The following ATAD3B variants were observed in gnomAD, a reference collection of about 807,000 sequenced individuals.
The protein encoded by ATAD3B is ATPase family AAA domain-containing protein 3B.
In ATAD3B, 59 loss-of-function variants were observed where a neutral mutation model predicts 70.2. The ratio of observed to expected loss-of-function variants is 0.84; its 90% CI spans 0.68 to 1.04. ATAD3B has a LOEUF of 1.04. Ranked by LOEUF, ATAD3B falls within the 50% of genes least tolerant of loss-of-function variation. The probability of loss-of-function intolerance (pLI) is 0.00; values close to 1 mark genes in which losing one functional copy is unlikely to be tolerated. For synonymous variants in ATAD3B, 423 were observed against 388.6 expected, an observed-to-expected ratio of 1.09 and a Z score of -1.04; for missense variants, 961 against 913.4, an observed-to-expected ratio of 1.05 and a Z score of -0.67.
In ATAD3B at chr1:1,482,120, C is replaced by G. The variant is rs201380959; in HGVS notation, c.515-18C>G. 1.9e-6 allele frequency: 3 copies of G among 1,598,534 alleles called. No homozygotes were observed. The highest frequency in any genetic ancestry group is 1.1e-5 in the South Asian group (1 of 89,038). ...GCTGCACTGCATGGTGCTGAGCTGC[C>G]CTGCCTCTCTGGGGCAGCCACCGTG... is the stretch of plus-strand genomic sequence containing the variant. On this transcript the variant is annotated intron_variant, in intron 5 of 15. Coordinates refer to ENST00000673477, the MANE Select transcript of ATAD3B (RefSeq NM_031921.6).
chr1:1,486,077 G>C, intron 9 of ATAD3B, 33 bp from the exon 10 acceptor site: 6 of 1,612,668 alleles, frequency 3.7e-6, no homozygotes, highest in Non-Finnish European at 5.1e-6. Flanking sequence ...TGGGTGCAGA[G>C]TGTCTCCCCC....
chr1:1,487,538 C>G (rs1328780645), intron 11 of ATAD3B, among the ~76,000 whole-genome samples: 1 of 151,490 alleles, frequency 6.6e-6, no homozygotes, highest in Non-Finnish European at 1.5e-5. Flanking sequence ...GAGCACTGCA[C>G]TGGGTCGCTG....
chr1:1,482,689 C>T (rs767499920), intron 7 of ATAD3B, 75 bp downstream of exon 7: 1 of 1,605,844 alleles, frequency 6.2e-7, no homozygotes, highest in African/African-American at 1.3e-5. Flanking sequence ...GCCCCAGGTC[C>T]TGTCCCTGCC....
chr1:1,508,594 T>G, the ATAD3B span, among the ~76,000 whole-genome samples: 2 of 151,358 alleles, frequency 1.3e-5, no homozygotes, highest in Admixed American at 1.3e-4. Context: ...CATGCCCTTT[T>G]CTGGCATTAG....
intron 15 of ATAD3B, among the ~76,000 whole-genome samples, 165 bp downstream of exon 15, chr1:1,490,836 C>T (rs1570270302): frequency 6.6e-6 from 1 of 152,182 alleles, no homozygotes; most frequent in East Asian, 1.9e-4. Flanking sequence ...CGGGCCACTC[C>T]ACGCAGCAGC....
chr1:1,481,045 G>A lies in ATAD3B; in HGVS notation c.514+109G>A. The A allele has an allele frequency of 3.9e-6, 6 of 1,527,714 alleles. 2 individuals carry two copies. The highest frequency in any genetic ancestry group is 5.2e-6 in the Non-Finnish European group (6 of 1,143,938). The allele number at this position is 1,527,714 out of a possible 1,614,324, so 94.6% of individuals were successfully genotyped here. On this transcript the variant is annotated intron_variant, in intron 5 of 15. Transcript: ENST00000673477. Reference sequence around the variant, plus strand: ...CGCCCGGCCCCTCATAGCTACCAGTGCAGTGGGCGAGGCCTGCTGGGGCTC... The same window carrying A: ...CGCCCGGCCCCTCATAGCTACCAGTACAGTGGGCGAGGCCTGCTGGGGCTC...
chr1:1,490,802 T>G (rs758300407), intron 15 of ATAD3B, 131 bp downstream of exon 15: 99 of 1,475,508 alleles, frequency 6.7e-5, no homozygotes, highest in Admixed American at 3.1e-4. Context: ...TGCACAGACG[T>G]GACACAGGGC....
intron 15 of ATAD3B, among the ~76,000 whole-genome samples, chr1:1,494,607 G>A (rs968603191): frequency 8.6e-5 from 13 of 151,884 alleles, no homozygotes; most frequent in Admixed American, 1.3e-4. Flanking sequence ...CAGAGGGGAC[G>A]GGCACCACGT....
chr1:1,480,324 C>G lies in ATAD3B; in HGVS notation c.445-543C>G, dbSNP rs763543845. On this transcript the variant is annotated intron_variant, in intron 4 of 15. Transcript: ENST00000673477. Reference sequence around the variant, plus strand: ...TTCCACAGCAGCGGCTCTCCAGGCACGACAAGCCTCCTTGTCTCCCACCCG... The same window carrying G: ...TTCCACAGCAGCGGCTCTCCAGGCAGGACAAGCCTCCTTGTCTCCCACCCG... 1.4e-4 allele frequency among the ~76,000 whole-genome samples: 20 copies of G among 145,844 alleles called. 1 individual carries two copies. The highest frequency in any genetic ancestry group is 2.7e-4 in the Non-Finnish European group (18 of 66,802).
rs535231437 is a variant in ATAD3B, at chr1:1,496,006, G to A, written c.*189G>A. ...GGGGCAGGCGGGGTCTTTGTTCTCGGCTCCCACAGCAGAGCCAGGTGAGGG... is the reference window on the plus strand; with the variant it reads ...GGGGCAGGCGGGGTCTTTGTTCTCGACTCCCACAGCAGAGCCAGGTGAGGG... On this transcript the variant is annotated 3_prime_UTR_variant, in exon 16 of 16. Transcript: ENST00000673477. The A allele has an allele frequency of 7.5e-4, 1,014 of 1,346,464 alleles. 11 individuals are homozygous for A. Among genetic ancestry groups the A allele is most frequent in the East Asian group, 3.2e-4 (12 of 37,150 alleles). The allele number at this position is 1,346,464 out of a possible 1,614,324, so 83.4% of individuals were successfully genotyped here.
rs749130356 is a variant in ATAD3B at position 1,490,589 on chromosome 1, A to G, written c.1532A>G (p.Tyr511Cys). The change falls in exon 15 of 16, where the codon TAC becomes TGC. Residue 511 changes from tyrosine (Y) to cysteine (C), a missense_variant. Tyr to Cys is a radical substitution (Grantham distance 194, BLOSUM62 -2). Around this residue, in one of 4 missense-constraint regions of ATAD3B, gnomAD observed 417 missense variants for 335.0 expected, o/e 1.24. Transcript: ENST00000673477. The stretch of plus-strand genomic sequence containing the variant: ...CGCCTGAAGCTGGCCCAGTTTGACT[A>G]CGGGAGGAAGTGCTCGGAGGTCGCT... Reference protein sequence around the residue: ...KRRLKLAQFDYGRKCSEVARL... With the variant: ...KRRLKLAQFDCGRKCSEVARL... 6 of 1,610,630 alleles carry G rather than the reference A, an allele frequency of 3.7e-6. No homozygotes were observed. The Admixed American group carries it at 8.4e-5, about 23-fold the overall frequency.
rs1245161653 is a variant in ATAD3B, at chr1:1,495,923, C to T, written c.*106C>T. 4 of 1,431,096 alleles carry T rather than the reference C, an allele frequency of 2.8e-6. No homozygotes were observed. The highest frequency in any genetic ancestry group is 3.6e-6 in the Non-Finnish European group (4 of 1,095,978). The allele number at this position is 1,431,096 out of a possible 1,614,324, so 88.6% of individuals were successfully genotyped here. ...GGGAGGGTGAGGCTTTGTACCCCAG[C>T]CCCTGCCCAGGCCACTGTGAGGGTG... On this transcript the variant is annotated 3_prime_UTR_variant, in exon 16 of 16. Coordinates refer to ENST00000673477, the MANE Select transcript of ATAD3B (RefSeq NM_031921.6).
chr1:1,505,670 C>T, the ATAD3B span, among the ~76,000 whole-genome samples: 16 of 152,138 alleles, frequency 1.1e-4, no homozygotes, highest in African/African-American at 3.1e-4. Flanking sequence ...CCTGTCCGGG[C>T]GTAACGGAAG....
At chr1:1,488,334 T>C (rs1473297185) in intron 12 of ATAD3B, among the ~76,000 whole-genome samples, 1 of 150,934 alleles carries the variant, frequency 6.6e-6, no homozygotes, top group Non-Finnish European at 1.5e-5. Context: ...CAAGCAGTCC[T>C]CCTGCCTCAG....
At position 1,497,719 on chromosome 1, in the gene ATAD3B, T is replaced by G. The variant is rs1207795034; in HGVS notation, c.*1902T>G. 6.9e-6 allele frequency: 1 copy of G among 145,046 alleles called. No homozygotes were observed. The highest frequency in any genetic ancestry group is 1.5e-5 in the Non-Finnish European group (1 of 67,898). 9.0% of individuals were successfully genotyped at this position (145,046 alleles called of 1,614,324 possible). Reference sequence around the variant, plus strand: ...GTCTCTACTAAAAATACAAAAAAATTAGCCGGCATGGTGGTAGGTGACTGT... The same window carrying G: ...GTCTCTACTAAAAATACAAAAAAATGAGCCGGCATGGTGGTAGGTGACTGT... On this transcript the variant is annotated 3_prime_UTR_variant, in exon 16 of 16. Transcript: ENST00000673477.
chr1:1,494,296 C>CCTCT (rs1388741559), intron 15 of ATAD3B, among the ~76,000 whole-genome samples: 2 of 152,022 alleles, frequency 1.3e-5, no homozygotes, highest in South Asian at 4.2e-4. Context: ...TAGCCCCTCT[C>CCTCT]CTCTGCTGGG....
In ATAD3B at chr1:1,488,486, C is replaced by T. The variant is rs546211841; in HGVS notation, c.1266+572C>T. Among the ~76,000 whole-genome samples, 3 of 152,206 alleles carry T rather than the reference C, an allele frequency of 2.0e-5. No homozygotes were observed. The South Asian group carries it at 6.2e-4, about 32-fold the overall frequency. On this transcript the variant is annotated intron_variant, in intron 12 of 15. Coordinates refer to ENST00000673477, the MANE Select transcript of ATAD3B (RefSeq NM_031921.6). ...AAGAAATTCACCGGCCTTGGCCTGG[C>T]ACAGTGGCTCACGTGTGTAATCCCA... is the stretch of plus-strand genomic sequence containing the variant.
In ATAD3B at chr1:1,480,197, C is replaced by A. The variant is rs1409451105; in HGVS notation, c.445-670C>A. Among the ~76,000 whole-genome samples the A allele has an allele frequency of 1.8e-4, 23 of 125,830 alleles. 2 individuals are homozygous for A. The highest frequency in any genetic ancestry group is 1.1e-3 in the Admixed American group (14 of 12,524). 82.5% of individuals were successfully genotyped at this position (125,830 alleles called of 152,430 possible). On this transcript the variant is annotated intron_variant, in intron 4 of 15. Coordinates refer to ENST00000673477, the MANE Select transcript of ATAD3B (RefSeq NM_031921.6). ...CACGAGGGCACACCCCCACCCCCCA[C>A]CCCCACACACCCCCGCACCCATGGG...
chr1:1,473,388 T>C (rs1639431584), intron 1 of ATAD3B, among the ~76,000 whole-genome samples: 1 of 151,312 alleles, frequency 6.6e-6, no homozygotes, highest in Non-Finnish European at 1.5e-5. Context: ...GTATTTTTAG[T>C]AGAGACGGGG....
Sources: allele counts gnomAD v4.1 joint callset (sites outside exome capture counted in the v4.1 genomes callset), GRCh38; gene constraint gnomAD v4.1.1; regional missense constraint gnomAD v4.1.1; transcripts MANE v1.5; gene names NCBI Gene and HGNC (gene_info 2026-07-23, HGNC 2026-07-21).